The following CSN3 variants were observed in gnomAD, a reference collection of about 807,000 sequenced individuals.
CSN3 encodes casein kappa, also known as kappa-casein.
CSN3 carries 7 observed loss-of-function variants against 9.9 expected under a neutral mutation model. The ratio of observed to expected loss-of-function variants is 0.71; its 90% CI spans 0.40 to 1.33. The LOEUF (loss-of-function observed/expected upper bound fraction) is 1.33. Among genes scored for constraint, CSN3 ranks in the 40% most tolerant of loss-of-function variants. The pLI, the probability that CSN3 is intolerant of heterozygous loss-of-function variation, is 0.01. For synonymous variants in CSN3, 88 were observed against 82.3 expected (o/e 1.07, Z -0.37); for missense variants, 253 against 227.9 (o/e 1.11, Z -0.71).
upstream of CSN3, among the ~76,000 whole-genome samples, chr4:70,238,500 A>C (rs777794): frequency 6.6e-6 from 1 of 151,822 alleles, no homozygotes; most frequent in Non-Finnish European, 1.5e-5. Flanking sequence ...AACAGTCCCT[A>C]GCAAAAAGTT....
chr4:70,244,806 C>A lies in CSN3; in HGVS notation c.-8-6C>A. 6.7e-7 allele frequency: 1 copy of A among 1,494,608 alleles called. No individual in the cohort carries two copies. Among genetic ancestry groups the A allele is most frequent in the South Asian group, 1.4e-5 (1 of 69,498 alleles). The allele number at this position is 1,494,608 out of a possible 1,614,324, so 92.6% of individuals were successfully genotyped here. A position where few individuals can be genotyped will look rare whatever the true frequency, so the allele number is the denominator to read the frequency against. On this transcript the variant is annotated splice_polypyrimidine_tract_variant and splice_region_variant and intron_variant, in intron 1 of 4. Coordinates refer to ENST00000304954, the Ensembl canonical transcript of CSN3. ...TAAATTAATTTTTTTTTAAATTTAT[C>A]TTTAGGTGCAATAATGAAGAGTTTT... is the stretch of plus-strand genomic sequence containing the variant.
chr4:70,243,639 A>G (rs374014223), intron 1 of CSN3, among the ~76,000 whole-genome samples: 4 of 152,084 alleles, frequency 2.6e-5, no homozygotes, highest in African/African-American at 9.7e-5. Context: ...TGAGTGTGTC[A>G]ATAACAATAG....
At chr4:70,247,708 A>G (rs1730407032) in intron 2 of CSN3, 110 bp from the exon 3 acceptor site, 1 of 938,140 alleles carries the variant, frequency 1.1e-6, no homozygotes, top group Non-Finnish European at 1.6e-6. Flanking sequence ...TAAAAAATAA[A>G]AAGAAAACAT....
At chr4:70,242,093 G>A (rs1730281825), upstream of CSN3, among the ~76,000 whole-genome samples, 1 of 151,592 alleles carries the variant, frequency 6.6e-6, no homozygotes, top group African/African-American at 2.4e-5. Flanking sequence ...AAAGTATTGT[G>A]GCTATTTTTC....
chr4:70,247,929 C>T (rs543120754), intron 3 of CSN3, 79 bp downstream of exon 3: 9 of 1,014,428 alleles, frequency 8.9e-6, no homozygotes, highest in Admixed American at 2.6e-5. Flanking sequence ...ATTATAGATG[C>T]CTTCTGTCTA....
Position 70,249,512 on chromosome 4 carries a change from A to C in CSN3, c.*34+19A>C. 1 of 1,369,764 alleles carries C rather than the reference A, an allele frequency of 7.3e-7. No individual in the cohort carries two copies. Among genetic ancestry groups the C allele is most frequent in the Non-Finnish European group, 1.0e-6 (1 of 982,216 alleles). 84.9% of individuals were successfully genotyped at this position (1,369,764 alleles called of 1,614,324 possible). The stretch of plus-strand genomic sequence containing the variant: ...AACGCAGGTAAATTAACAGTATATA[A>C]AATGAGTAATTCCGACAAGAAGCAT... On this transcript the variant is annotated intron_variant, in intron 4 of 4. Coordinates refer to ENST00000304954, the Ensembl canonical transcript of CSN3.
chr4:70,243,596 C>T (rs892436549), intron 1 of CSN3, among the ~76,000 whole-genome samples: 4 of 151,952 alleles, frequency 2.6e-5, no homozygotes, highest in East Asian at 1.9e-4. Context: ...ATCTTTTTTG[C>T]GAAGTTCAAC....
At chr4:70,244,838 G>C (rs1730343640) in exon 2 of CSN3, 1 of 1,562,520 alleles carries the variant, frequency 6.4e-7, no homozygotes, top group African/African-American at 1.4e-5. Flanking sequence ...TTTTCTTCTA[G>C]TTGTCAATGC....
upstream of CSN3, among the ~76,000 whole-genome samples, chr4:70,241,441 G>C (rs1730267695): frequency 6.6e-6 from 1 of 151,960 alleles, no homozygotes. Context: ...CAGGAATATA[G>C]ACATAACTAC....
At chr4:70,246,099 T>C (rs1383977844) in intron 2 of CSN3, among the ~76,000 whole-genome samples, 1 of 152,158 alleles carries the variant, frequency 6.6e-6, no homozygotes, top group African/African-American at 2.4e-5. Context: ...GATTTTACCA[T>C]TCAATCTTAT....
upstream of CSN3, among the ~76,000 whole-genome samples, chr4:70,241,041 C>G (rs1185118797): frequency 1.3e-5 from 2 of 151,810 alleles, no homozygotes; most frequent in African/African-American, 4.8e-5. Context: ...TGAGTCTCTG[C>G]TACTTGTAAA....
chr4:70,241,120 T>G (rs1412888251), upstream of CSN3, among the ~76,000 whole-genome samples: 1 of 152,038 alleles, frequency 6.6e-6, no homozygotes, highest in Non-Finnish European at 1.5e-5. Context: ...GCTGAGAAAT[T>G]ACTATGTGAA....
At chr4:70,239,043 A>G (rs1186662352), upstream of CSN3, among the ~76,000 whole-genome samples, 1 of 151,942 alleles carries the variant, frequency 6.6e-6, no homozygotes, top group African/African-American at 2.4e-5. Flanking sequence ...CCTACTGATG[A>G]TACTTAAGGT....
upstream of CSN3, among the ~76,000 whole-genome samples, chr4:70,239,521 T>C (rs1417913491): frequency 6.6e-6 from 1 of 151,918 alleles, no homozygotes; most frequent in Non-Finnish European, 1.5e-5. Context: ...TCAGAAATCT[T>C]TGGACCCTAA....
intron 1 of CSN3, among the ~76,000 whole-genome samples, chr4:70,244,554 T>A (rs1730336391): frequency 6.6e-6 from 1 of 152,102 alleles, no homozygotes; most frequent in African/African-American, 2.4e-5. Context: ...TGTATCATAT[T>A]TACATTGATA....
chr4:70,241,808 A>G (rs1339496899), upstream of CSN3, among the ~76,000 whole-genome samples: 2 of 152,068 alleles, frequency 1.3e-5, no homozygotes, highest in African/African-American at 4.8e-5. Flanking sequence ...ATAAGAGGAT[A>G]ATAAATCACT....
At chr4:70,240,597 T>C (rs1730254932), upstream of CSN3, among the ~76,000 whole-genome samples, 1 of 151,990 alleles carries the variant, frequency 6.6e-6, no homozygotes, top group Non-Finnish European at 1.5e-5. Flanking sequence ...CGCAAGAGCA[T>C]TGCATAGCTC....
exon 4 of CSN3, chr4:70,249,089 C>G (rs761442017): frequency 2.5e-6 from 4 of 1,613,718 alleles, no homozygotes; most frequent in East Asian, 2.2e-5. Flanking sequence ...TATTATGGAA[C>G]CAATTTGTAC....
chr4:70,242,375 T>C (rs1730290032), upstream of CSN3, among the ~76,000 whole-genome samples: 1 of 124,514 alleles, frequency 8.0e-6, no homozygotes, highest in Non-Finnish European at 1.9e-5. Context: ...GTTAGTTACA[T>C]ATGTATACAT....
Sources: allele counts gnomAD v4.1 joint callset (sites outside exome capture counted in the v4.1 genomes callset), GRCh38; gene constraint gnomAD v4.1.1; transcripts MANE v1.5; gene names NCBI Gene and HGNC (gene_info 2026-07-23, HGNC 2026-07-21).